NTN4: variants seen among roughly 807,000 people sequenced by gnomAD.
NTN4 encodes the protein netrin-4.
NTN4 carries 32 observed loss-of-function variants against 73.6 expected under a neutral mutation model. The ratio of observed to expected loss-of-function variants is 0.44; its 90% CI spans 0.33 to 0.58. The LOEUF is 0.58. Among genes scored for constraint, NTN4 ranks in the 20% least tolerant of loss-of-function variants. The probability of loss-of-function intolerance (pLI) is 0.04; values close to 1 mark genes in which losing one functional copy is unlikely to be tolerated. For missense variants in NTN4, 654 were observed against 798.3 expected (o/e 0.82, Z 2.18); for synonymous variants, 258 against 287.5 (o/e 0.90, Z 1.04).
At chr12:95,783,184 C>T (rs1349513802) in intron 2 of NTN4, among the ~76,000 whole-genome samples, 1 of 152,220 alleles carries the variant, frequency 6.6e-6, no homozygotes, top group Non-Finnish European at 1.5e-5. Context: ...AGCACTTAAA[C>T]CTCCACCCCA....
chr12:95,717,312 G>A (rs531210582), intron 3 of NTN4, among the ~76,000 whole-genome samples: 8 of 152,220 alleles, frequency 5.3e-5, no homozygotes, highest in East Asian at 3.9e-4. Flanking sequence ...TCAGGAGTCC[G>A]CAGATATTTA....
chr12:95,722,687 ATT>A (rs373221222), intron 3 of NTN4, among the ~76,000 whole-genome samples: 6 of 151,218 alleles, frequency 4.0e-5, no homozygotes, highest in Admixed American at 1.3e-4. Context: ...TATTTCCATT[ATT>A]TTAGGCCAGG....
At chr12:95,704,739 G>T (rs1215309266) in intron 5 of NTN4, among the ~76,000 whole-genome samples, 2 of 152,174 alleles carry the variant, frequency 1.3e-5, no homozygotes, top group Non-Finnish European at 2.9e-5. Context: ...GCAGATGCCA[G>T]TAAGGAAACG....
At chr12:95,788,469 T>C (rs1297948637) in intron 1 of NTN4, among the ~76,000 whole-genome samples, 1 of 152,246 alleles carries the variant, frequency 6.6e-6, no homozygotes, top group Non-Finnish European at 1.5e-5. Context: ...CGTTTGTCAT[T>C]TTAATTGTGA....
intron 2 of NTN4, among the ~76,000 whole-genome samples, chr12:95,783,340 T>C (rs1370623986): frequency 6.6e-6 from 1 of 152,236 alleles, no homozygotes; most frequent in Non-Finnish European, 1.5e-5. Flanking sequence ...ATAATGAGAA[T>C]ATTAATGTAT....
chr12:95,665,689 G>C (rs2078173897), intron 9 of NTN4, 121 bp downstream of exon 9: 1 of 679,330 alleles, frequency 1.5e-6, no homozygotes, highest in African/African-American at 1.8e-5. Context: ...GCAGGAGTCA[G>C]ATGGTGAAAG....
intron 3 of NTN4, among the ~76,000 whole-genome samples, chr12:95,732,896 A>G (rs1051048805): frequency 1.3e-5 from 2 of 152,232 alleles, no homozygotes; most frequent in African/African-American, 4.8e-5. Flanking sequence ...ATGAGACTAT[A>G]TGAATGATTC....
At chr12:95,661,766 A>G (rs1336869801) in intron 9 of NTN4, among the ~76,000 whole-genome samples, 1 of 152,218 alleles carries the variant, frequency 6.6e-6, no homozygotes, top group African/African-American at 2.4e-5. Context: ...CCAACCACAC[A>G]AATGTTGATG....
At chr12:95,707,754 G>C (rs2078531061) in intron 5 of NTN4, among the ~76,000 whole-genome samples, 1 of 152,170 alleles carries the variant, frequency 6.6e-6, no homozygotes, top group Admixed American at 6.5e-5. Flanking sequence ...GTAACTGGAT[G>C]AATGAATACA....
At chr12:95,728,918 C>A (rs2078715348) in intron 3 of NTN4, among the ~76,000 whole-genome samples, 1 of 152,126 alleles carries the variant, frequency 6.6e-6, no homozygotes, top group African/African-American at 2.4e-5. Flanking sequence ...GTGTGTGGAA[C>A]CTCCCCTACC....
intron 2 of NTN4, among the ~76,000 whole-genome samples, chr12:95,782,599 C>T (rs556742450): frequency 1.1e-3 from 160 of 152,226 alleles, no homozygotes; most frequent in African/African-American, 3.8e-3. Context: ...GCCTAATAAT[C>T]CTTTTCTATT....
intron 9 of NTN4, among the ~76,000 whole-genome samples, chr12:95,661,684 A>C (rs1193555319): frequency 6.6e-6 from 1 of 152,204 alleles, no homozygotes; most frequent in African/African-American, 2.4e-5. Context: ...TCTTGAATCA[A>C]TCAAGCCTTT....
Position 95,748,784 on chromosome 12 carries a change from T to TA in NTN4, c.586-10641dup, listed in dbSNP as rs1592701791. Among the ~76,000 whole-genome samples, 4 of 152,292 alleles carry TA rather than the reference T, an allele frequency of 2.6e-5. No homozygotes were observed. The East Asian group carries it at 7.7e-4, about 29-fold the overall frequency. ...CCATGCCTGGCCCTATTTATATATA[T>TA]AAAATCACATTTCTTCCCTACTGTG... On this transcript the variant is annotated intron_variant, in intron 2 of 9. Transcript: ENST00000343702.
chr12:95,680,820 C>A (rs2120980782), intron 7 of NTN4, among the ~76,000 whole-genome samples: 1 of 152,260 alleles, frequency 6.6e-6, no homozygotes, highest in Non-Finnish European at 1.5e-5. Context: ...CTCAAGTGAT[C>A]CTCCTGCTTA....
intron 7 of NTN4, chr12:95,672,842 G>T: frequency 2.9e-6 from 4 of 1,380,762 alleles, no homozygotes; most frequent in Non-Finnish European, 4.1e-6. Context: ...GAAGGGAAAT[G>T]GGTACTGATT....
At chr12:95,742,347 A>C (rs1592698137) in intron 2 of NTN4, among the ~76,000 whole-genome samples, 1 of 151,426 alleles carries the variant, frequency 6.6e-6, no homozygotes, top group East Asian at 1.9e-4. Context: ...TACAAAAATT[A>C]GCCAGGCATG....
chr12:95,744,943 T>C (rs961374953), intron 2 of NTN4, among the ~76,000 whole-genome samples: 1 of 152,082 alleles, frequency 6.6e-6, no homozygotes, highest in African/African-American at 2.4e-5. Context: ...ACTTCTTTTT[T>C]TCTTTCGGCA....
chr12:95,755,614 G>C (rs566661381), intron 2 of NTN4, among the ~76,000 whole-genome samples: 1 of 152,248 alleles, frequency 6.6e-6, no homozygotes, highest in East Asian at 1.9e-4. Context: ...TTTAAAGTGG[G>C]AAAGTCTTAT....
chr12:95,717,348 G>A (rs1359956113), intron 3 of NTN4, among the ~76,000 whole-genome samples: 2 of 152,222 alleles, frequency 1.3e-5, no homozygotes, highest in South Asian at 2.1e-4. Flanking sequence ...ACATTCACAT[G>A]TATCACAAGA....
Sources: allele counts gnomAD v4.1 joint callset (sites outside exome capture counted in the v4.1 genomes callset), GRCh38; gene constraint gnomAD v4.1.1; transcripts MANE v1.5; gene names NCBI Gene and HGNC (gene_info 2026-07-23, HGNC 2026-07-21).